Variants in SGCZ observed in about 807,000 individuals in gnomAD.
SGCZ encodes the protein zeta-sarcoglycan.
In SGCZ, 40 loss-of-function variants were observed where a neutral mutation model predicts 41.3. That is an observed-to-expected ratio of 0.97 (90% CI 0.75 to 1.26). SGCZ has a LOEUF of 1.26. Ranked by LOEUF, SGCZ falls within the 50% of genes most tolerant of loss-of-function variation. The pLI, the probability that SGCZ is intolerant of heterozygous loss-of-function variation, is 0.00. For missense variants in SGCZ, 552 were observed against 369.8 expected (o/e 1.49, Z -4.04); for synonymous variants, 206 against 137.5 (o/e 1.50, Z -3.49).
chr8:14,550,037 C>T (rs542254369), intron 2 of SGCZ, among the ~76,000 whole-genome samples: 7 of 151,958 alleles, frequency 4.6e-5, no homozygotes, highest in East Asian at 1.9e-4. Context: ...CTTCTAGACG[C>T]TAGAACCTAG....
chr8:14,277,675 G>A (rs966177635), intron 3 of SGCZ, among the ~76,000 whole-genome samples: 2 of 152,066 alleles, frequency 1.3e-5, no homozygotes, highest in Admixed American at 1.3e-4. Flanking sequence ...CTGGCATGCT[G>A]AGCACCTTGA....
intron 1 of SGCZ, among the ~76,000 whole-genome samples, chr8:14,763,095 G>T (rs1390656847): frequency 6.6e-6 from 1 of 152,110 alleles, no homozygotes; most frequent in Non-Finnish European, 1.5e-5. Flanking sequence ...TTTGTTTGTT[G>T]CTGGTGTTTC....
intron 2 of SGCZ, among the ~76,000 whole-genome samples, chr8:14,437,182 G>A (rs780312145): frequency 1.4e-4 from 21 of 152,102 alleles, no homozygotes; most frequent in Non-Finnish European, 2.5e-4. Flanking sequence ...CCAGTGAATA[G>A]GATTACAAAA....
chr8:14,122,059 C>G (rs1482212147), intron 5 of SGCZ, among the ~76,000 whole-genome samples: 1 of 151,976 alleles, frequency 6.6e-6, no homozygotes, highest in Non-Finnish European at 1.5e-5. Flanking sequence ...CGGGCAGATC[C>G]CAAGGTCAGG....
chr8:15,068,276 G>T (rs1805225356), intron 1 of SGCZ, among the ~76,000 whole-genome samples: 1 of 152,130 alleles, frequency 6.6e-6, no homozygotes, highest in Admixed American at 6.6e-5. Flanking sequence ...ATTCTAAAGA[G>T]ACTTGTTTTT....
chr8:14,288,390 A>G (rs1218297345), intron 3 of SGCZ, among the ~76,000 whole-genome samples: 1 of 152,126 alleles, frequency 6.6e-6, no homozygotes, highest in Non-Finnish European at 1.5e-5. Context: ...GAAATTCTTC[A>G]GCATTCCAAA....
At chr8:14,464,959 A>G (rs1215771946) in intron 2 of SGCZ, among the ~76,000 whole-genome samples, 2 of 151,654 alleles carry the variant, frequency 1.3e-5, no homozygotes, top group Non-Finnish European at 3.0e-5. Flanking sequence ...TATGGTATCT[A>G]TATTTTAAAA....
At chr8:14,384,212 G>A (rs929872320) in intron 2 of SGCZ, among the ~76,000 whole-genome samples, 4 of 151,996 alleles carry the variant, frequency 2.6e-5, no homozygotes, top group African/African-American at 4.8e-5. Context: ...GAGAACATGC[G>A]GTGTTCGGTT....
At chr8:14,642,386 A>G (rs1807055978) in intron 1 of SGCZ, among the ~76,000 whole-genome samples, 1 of 151,632 alleles carries the variant, frequency 6.6e-6, no homozygotes, top group Admixed American at 6.6e-5. Context: ...CCCATTTTTA[A>G]TATCTATAGA....
At chr8:14,172,267 CA>C (rs1256587282) in intron 4 of SGCZ, among the ~76,000 whole-genome samples, 1 of 152,122 alleles carries the variant, frequency 6.6e-6, no homozygotes, top group Non-Finnish European at 1.5e-5. Context: ...CCTACAAATT[CA>C]AATGATGAAG....
chr8:14,807,234 A>T (rs912559491), intron 1 of SGCZ, among the ~76,000 whole-genome samples: 1 of 152,116 alleles, frequency 6.6e-6, no homozygotes, highest in African/African-American at 2.4e-5. Flanking sequence ...GGCCAGGGCA[A>T]TTAGGCAGGA....
At chr8:14,689,136 A>T (rs1465835577) in intron 1 of SGCZ, among the ~76,000 whole-genome samples, 1 of 152,148 alleles carries the variant, frequency 6.6e-6, no homozygotes, top group African/African-American at 2.4e-5. Context: ...GCTCTTTAAT[A>T]CAAATTTTCT....
At chr8:14,686,194 G>A (rs1002557027) in intron 1 of SGCZ, among the ~76,000 whole-genome samples, 12 of 152,044 alleles carry the variant, frequency 7.9e-5, no homozygotes, top group African/African-American at 2.9e-4. Context: ...ATCATTTACA[G>A]TATATGTTTA....
chr8:14,815,991 T>G (rs1021856818), intron 1 of SGCZ, among the ~76,000 whole-genome samples: 10 of 152,222 alleles, frequency 6.6e-5, no homozygotes, highest in African/African-American at 1.9e-4. Flanking sequence ...CAATTTTAAA[T>G]TTTCAAATCA....
At chr8:14,458,274 AT>A (rs937798818) in intron 2 of SGCZ, among the ~76,000 whole-genome samples, 2 of 152,204 alleles carry the variant, frequency 1.3e-5, no homozygotes, top group African/African-American at 4.8e-5. Flanking sequence ...AAGCACACAA[AT>A]ATTTGGGAAA....
chr8:14,855,405 A>G (rs928187861), intron 1 of SGCZ, among the ~76,000 whole-genome samples: 1 of 151,980 alleles, frequency 6.6e-6, no homozygotes, highest in Non-Finnish European at 1.5e-5. Context: ...CTCACTATAT[A>G]CCTAGCCCAT....
chr8:14,506,593 T>C (rs1802312043), intron 2 of SGCZ, among the ~76,000 whole-genome samples: 1 of 152,228 alleles, frequency 6.6e-6, no homozygotes, highest in Admixed American at 6.5e-5. Context: ...GCAAAAACCT[T>C]GACAAAATTT....
Position 14,361,956 on chromosome 8 carries a change from C to T in SGCZ, c.235-37752G>A, listed in dbSNP as rs1250739768. 2.6e-5 allele frequency among the ~76,000 whole-genome samples: 4 copies of T among 152,160 alleles called. No homozygotes were observed. In the East Asian group the frequency reaches 7.7e-4, roughly 29 times the overall value. On this transcript the variant is annotated intron_variant, in intron 2 of 7. Transcript: ENST00000382080. ...GACAGGCCCCTCAGCTGCAGGTCTGCTGGAGTTTTCTAGAGGTCAACTCCA... is the reference window on the plus strand; with the variant it reads ...GACAGGCCCCTCAGCTGCAGGTCTGTTGGAGTTTTCTAGAGGTCAACTCCA...
chr8:14,254,955 G>C (rs1799409035), intron 3 of SGCZ, among the ~76,000 whole-genome samples: 1 of 152,030 alleles, frequency 6.6e-6, no homozygotes, highest in Non-Finnish European at 1.5e-5. Flanking sequence ...GTGAAGTTCT[G>C]AACTAGATTC....
Sources: gnomAD v4.1 joint callset for allele counts (sites outside exome capture counted in the v4.1 genomes callset) on GRCh38, gnomAD v4.1.1 for gene constraint, MANE v1.5 for transcripts, NCBI Gene and HGNC (gene_info 2026-07-23, HGNC 2026-07-21) for gene names.